KHDRBS2: variants seen among roughly 807,000 people sequenced by gnomAD.
The protein encoded by KHDRBS2 is KH domain-containing, RNA-binding, signal transduction-associated protein 2.
A neutral mutation model predicts 44.3 loss-of-function variants in KHDRBS2; 26 were observed. That is an observed-to-expected ratio of 0.59 (90% CI 0.43 to 0.81). The LOEUF (loss-of-function observed/expected upper bound fraction) is 0.81, where lower values mean the gene tolerates loss of function less well. Ranked by LOEUF, KHDRBS2 falls within the 40% of genes least tolerant of loss-of-function variation. The pLI, the probability that KHDRBS2 is intolerant of heterozygous loss-of-function variation, is 0.00. For missense variants in KHDRBS2, 476 were observed against 433.1 expected, an observed-to-expected ratio of 1.10 and a Z score of -0.88; for synonymous variants, 194 against 151.1, an observed-to-expected ratio of 1.28 and a Z score of -2.08.
intron 1 of KHDRBS2, among the ~76,000 whole-genome samples, chr6:62,180,490 TG>T (rs1822042382): frequency 6.6e-6 from 1 of 151,812 alleles, no homozygotes; most frequent in Admixed American, 6.6e-5. Flanking sequence ...TTAGTTAAGC[TG>T]GTTAACGACT....
intron 6 of KHDRBS2, among the ~76,000 whole-genome samples, chr6:61,859,963 G>C (rs1796682133): frequency 6.6e-6 from 1 of 151,796 alleles, no homozygotes; most frequent in African/African-American, 2.4e-5. Flanking sequence ...AGAGGAATAT[G>C]GGACATTATT....
intron 7 of KHDRBS2, among the ~76,000 whole-genome samples, chr6:61,699,053 T>C (rs1768254988): frequency 6.6e-6 from 1 of 152,110 alleles, no homozygotes. Context: ...TCTTCTAGAA[T>C]ATAAACTTCT....
chr6:62,042,872 C>A (rs1402107350), intron 3 of KHDRBS2, among the ~76,000 whole-genome samples: 4 of 152,060 alleles, frequency 2.6e-5, no homozygotes, highest in Non-Finnish European at 5.9e-5. Context: ...AAATAAAAAT[C>A]CACCAAACAG....
At chr6:61,782,017 T>C (rs964489740) in intron 6 of KHDRBS2, among the ~76,000 whole-genome samples, 3 of 152,054 alleles carry the variant, frequency 2.0e-5, no homozygotes, top group African/African-American at 7.2e-5. Flanking sequence ...GGAAGTGTTT[T>C]TTGGTTTGTT....
chr6:61,876,672 T>C (rs181707213), intron 6 of KHDRBS2, among the ~76,000 whole-genome samples: 1 of 152,184 alleles, frequency 6.6e-6, no homozygotes, highest in East Asian at 1.9e-4. Flanking sequence ...ATCACTTATG[T>C]ATCTTTAAAT....
chr6:61,822,515 A>C (rs77459621), intron 6 of KHDRBS2, among the ~76,000 whole-genome samples: 10,106 of 151,608 alleles, frequency 0.067, 393 homozygotes, highest in Middle Eastern at 0.13. Context: ...TCAATCTTCT[A>C]CTCTTCTCAC....
intron 4 of KHDRBS2, among the ~76,000 whole-genome samples, chr6:61,950,086 C>T (rs1325031859): frequency 1.3e-5 from 2 of 151,978 alleles, no homozygotes; most frequent in African/African-American, 4.8e-5. Context: ...TGGGGGATTG[C>T]ATGACTAAAA....
At chr6:61,653,571 C>T in the KHDRBS2 span, among the ~76,000 whole-genome samples, 3 of 151,698 alleles carry the variant, frequency 2.0e-5, no homozygotes, top group Non-Finnish European at 4.4e-5. Flanking sequence ...ATAAAACAGT[C>T]CTTCCTTTAT....
At chr6:62,169,209 A>ATGTATATATACGTATACATATACG (rs1819482716) in intron 2 of KHDRBS2, among the ~76,000 whole-genome samples, 2 of 145,144 alleles carry the variant, frequency 1.4e-5, no homozygotes, top group African/African-American at 5.1e-5. Flanking sequence ...ATGTATATAT[A>ATGTATATATACGTATACATATACG]TGTATATATA....
At chr6:62,229,160 C>T (rs1177434337) in intron 1 of KHDRBS2, among the ~76,000 whole-genome samples, 2 of 152,098 alleles carry the variant, frequency 1.3e-5, no homozygotes, top group Non-Finnish European at 2.9e-5. Flanking sequence ...TCCCTAGGGG[C>T]TTATGCCCAG....
chr6:61,659,653 T>C, the KHDRBS2 span, among the ~76,000 whole-genome samples: 1 of 151,780 alleles, frequency 6.6e-6, no homozygotes, highest in Admixed American at 6.6e-5. Context: ...CATCTTAAAA[T>C]CCACAGTCCT....
At chr6:61,881,016 G>A (rs2127317038) in intron 6 of KHDRBS2, among the ~76,000 whole-genome samples, 1 of 151,954 alleles carries the variant, frequency 6.6e-6, no homozygotes. Context: ...CTTCTAGATG[G>A]CCATTAAGTT....
intron 2 of KHDRBS2, among the ~76,000 whole-genome samples, chr6:62,122,629 A>G (rs1165936321): frequency 6.6e-6 from 1 of 152,052 alleles, no homozygotes; most frequent in Non-Finnish European, 1.5e-5. Context: ...GTTCCCTGTG[A>G]TCAGCTGACA....
chr6:61,663,267 G>A, the KHDRBS2 span, among the ~76,000 whole-genome samples: 1 of 77,678 alleles, frequency 1.3e-5, no homozygotes, highest in African/African-American at 5.0e-5. Flanking sequence ...GGGGGAGGGG[G>A]GAGGGATTGC....
chr6:61,607,640 A>ATGAAAGTAATTCAGT, the KHDRBS2 span, among the ~76,000 whole-genome samples: 1 of 151,930 alleles, frequency 6.6e-6, no homozygotes, highest in African/African-American at 2.4e-5. Flanking sequence ...TACTGAAATT[A>ATGAAAGTAATTCAGT]ACTCAAGAAG....
intron 1 of KHDRBS2, among the ~76,000 whole-genome samples, chr6:62,198,775 C>G (rs1024118631): frequency 6.6e-6 from 1 of 152,064 alleles, no homozygotes; most frequent in Non-Finnish European, 1.5e-5. Flanking sequence ...CTGGCAGAGA[C>G]ACAACAGAAA....
At chr6:61,730,551 T>C (rs1774288359) in intron 7 of KHDRBS2, among the ~76,000 whole-genome samples, 1 of 151,958 alleles carries the variant, frequency 6.6e-6, no homozygotes, top group Non-Finnish European at 1.5e-5. Flanking sequence ...GGCAGAGAAA[T>C]AAATGCTATA....
chr6:61,822,370 T>G (rs891363137), intron 6 of KHDRBS2, among the ~76,000 whole-genome samples: 12 of 151,906 alleles, frequency 7.9e-5, no homozygotes, highest in Non-Finnish European at 1.5e-4. Flanking sequence ...AATCACTGAG[T>G]CCTGTTAACT....
At chr6:61,942,304 G>T (rs1327490672) in intron 4 of KHDRBS2, among the ~76,000 whole-genome samples, 1 of 151,762 alleles carries the variant, frequency 6.6e-6, no homozygotes, top group East Asian at 1.9e-4. Context: ...TTATATATAA[G>T]ACAATCTTGA....
Sources: allele counts gnomAD v4.1 joint callset (sites outside exome capture counted in the v4.1 genomes callset), GRCh38; gene constraint gnomAD v4.1.1; transcripts MANE v1.5; gene names NCBI Gene and HGNC (gene_info 2026-07-23, HGNC 2026-07-21).